Variants in ASTN2 observed in about 807,000 individuals in gnomAD.
The protein encoded by ASTN2 is astrotactin-2.
A neutral mutation model predicts 139.8 loss-of-function variants in ASTN2; 54 were observed. The observed-to-expected ratio is 0.39, with a 90% CI of 0.31 to 0.48. The LOEUF is 0.48. Ranked by LOEUF, ASTN2 falls within the 20% of genes least tolerant of loss-of-function variation. The probability of loss-of-function intolerance (pLI) is 0.95; values close to 1 mark genes in which losing one functional copy is unlikely to be tolerated. For missense variants in ASTN2, 1,565 were observed against 1,725.1 expected, an observed-to-expected ratio of 0.91 and a Z score of 1.64; for synonymous variants, 756 against 719.5, an observed-to-expected ratio of 1.05 and a Z score of -0.81.
intron 1 of ASTN2, among the ~76,000 whole-genome samples, chr9:117,393,274 A>G (rs1222558680): frequency 6.6e-6 from 1 of 152,248 alleles, no homozygotes; most frequent in Non-Finnish European, 1.5e-5. Context: ...GTAGGTGGAC[A>G]GGAAAGACTT....
At chr9:117,290,145 G>A (rs1354430058) in intron 2 of ASTN2, among the ~76,000 whole-genome samples, 1 of 152,096 alleles carries the variant, frequency 6.6e-6, no homozygotes, top group Admixed American at 6.5e-5. Context: ...CACCCCTCTG[G>A]GCCATAGCCT....
chr9:117,414,948 G>T lies in ASTN2; in HGVS notation c.-10C>A. ...CGCCGGCGGCGGCCATGGCGGGAGG[G>T]GCTGCGGTGCTGCGGGCGGCGGCGG... is the stretch of plus-strand genomic sequence containing the variant. On this transcript the variant is annotated 5_prime_UTR_variant, in exon 1 of 23. Coordinates refer to ENST00000313400, the MANE Select transcript of ASTN2 (RefSeq NM_001365068.1). This position sits in a 1 kb window ranked among gnomAD's most constrained non-coding sequence, Gnocchi z 4.2. The T allele has an allele frequency of 3.4e-6, 1 of 293,680 alleles. No homozygotes were observed. The highest frequency in any genetic ancestry group is 5.4e-6 in the Non-Finnish European group (1 of 183,770). The allele number at this position is 293,680 out of a possible 1,614,324, so 18.2% of individuals were successfully genotyped here. A position where few individuals can be genotyped will look rare whatever the true frequency, so the allele number is the denominator to read the frequency against.
rs911424528 is a variant in ASTN2, at chr9:117,248,932, A to G, written c.631-34190T>C. Among the ~76,000 whole-genome samples, 3 of 152,216 alleles carry G rather than the reference A, an allele frequency of 2.0e-5. No individual in the cohort carries two copies. The South Asian group carries it at 6.2e-4, about 32-fold the overall frequency. On this transcript the variant is annotated intron_variant, in intron 2 of 22. Transcript: ENST00000313400. ...CACTGCTGATGATGAGGTTCGGGGCAAGTCTCTTCACTCTCCAGGCCTCAA... is the reference window on the plus strand; with the variant it reads ...CACTGCTGATGATGAGGTTCGGGGCGAGTCTCTTCACTCTCCAGGCCTCAA...
chr9:116,989,586 GTT>G (rs56128640), intron 7 of ASTN2, among the ~76,000 whole-genome samples: 136 of 137,258 alleles, frequency 9.9e-4, no homozygotes, highest in East Asian at 9.7e-3. Context: ...TTATATTTGG[GTT>G]TTTTTTTTTT....
Position 117,335,061 on chromosome 9 carries a change from C to T in ASTN2, c.443-43548G>A, listed in dbSNP as rs896790502. ...CAGAGTGAGACTCTGTCTCAATAAA[C>T]ATAAAACAAAATAAAATAAAGTAAA... On this transcript the variant is annotated intron_variant, in intron 1 of 22. Coordinates refer to ENST00000313400, the MANE Select transcript of ASTN2 (RefSeq NM_001365068.1). Among the ~76,000 whole-genome samples, 35 of 152,212 alleles carry T rather than the reference C, an allele frequency of 2.3e-4. No individual in the cohort carries two copies. The South Asian group carries it at 3.7e-3, about 16-fold the overall frequency.
chr9:117,334,710 G>A (rs1034933345), intron 1 of ASTN2, among the ~76,000 whole-genome samples: 1 of 151,982 alleles, frequency 6.6e-6, no homozygotes, highest in Non-Finnish European at 1.5e-5. Context: ...CATTTTTCAA[G>A]TTTTAGCCCA....
At chr9:116,964,216 GGTGTGTGTGTGTGTGTGTGTGTGT>G (rs56209166) in intron 10 of ASTN2, among the ~76,000 whole-genome samples, 4 of 140,812 alleles carry the variant, frequency 2.8e-5, no homozygotes, top group South Asian at 4.6e-4. Flanking sequence ...ACTGCCCTGG[GGTGTGTGTGTGTGTGTGTGTGTGT>G]GTGTGTGTGT....
intron 6 of ASTN2, among the ~76,000 whole-genome samples, chr9:117,027,195 G>A (rs1173516320): frequency 6.6e-6 from 1 of 152,116 alleles, no homozygotes; most frequent in African/African-American, 2.4e-5. Flanking sequence ...TACAGATTAA[G>A]AAATAACCCA....
At chr9:117,332,743 AAGCT>A (rs1176069778) in intron 1 of ASTN2, among the ~76,000 whole-genome samples, 1 of 152,226 alleles carries the variant, frequency 6.6e-6, no homozygotes, top group East Asian at 1.9e-4. Flanking sequence ...CACAAGGTGG[AAGCT>A]ACCTAATGTC....
chr9:116,535,648 G>T (rs187217386), intron 19 of ASTN2, among the ~76,000 whole-genome samples: 116 of 152,184 alleles, frequency 7.6e-4, no homozygotes, highest in African/African-American at 2.6e-3. Context: ...AATTCTGGGT[G>T]GAAAATTCTT....
At chr9:116,953,790 A>C (rs1033635400) in intron 10 of ASTN2, among the ~76,000 whole-genome samples, 14 of 152,206 alleles carry the variant, frequency 9.2e-5, no homozygotes, top group Non-Finnish European at 1.8e-4. Flanking sequence ...CTTGGATAGA[A>C]AAACTGAAAC....
intron 5 of ASTN2, among the ~76,000 whole-genome samples, chr9:117,045,641 T>C (rs549221479): frequency 4.9e-4 from 75 of 152,252 alleles, no homozygotes; most frequent in African/African-American, 1.7e-3. Flanking sequence ...GCTTTGGAAA[T>C]GCCAGGTTGA....
At chr9:116,448,795 TA>T (rs1460799593) in intron 20 of ASTN2, among the ~76,000 whole-genome samples, 1 of 152,236 alleles carries the variant, frequency 6.6e-6, no homozygotes, top group Non-Finnish European at 1.5e-5. Flanking sequence ...TCAAGTACTA[TA>T]TCTTTTCCCT....
At chr9:116,627,993 G>C (rs1588108497) in intron 17 of ASTN2, among the ~76,000 whole-genome samples, 1 of 152,144 alleles carries the variant, frequency 6.6e-6, no homozygotes, top group Non-Finnish European at 1.5e-5. Flanking sequence ...GCCAGGCTTT[G>C]AATTCAGGAC....
chr9:116,632,205 A>AGAAAGAAAGAAAG (rs1554723308), intron 17 of ASTN2, among the ~76,000 whole-genome samples: 1 of 45,306 alleles, frequency 2.2e-5, no homozygotes, highest in East Asian at 6.4e-4. Flanking sequence ...AGAAAGAAAG[A>AGAAAGAAAGAAAG]AAAGAAAGAA....
rs370518165 is a variant in ASTN2, at chr9:117,200,500, G to T, written c.1015+13858C>A. Among the ~76,000 whole-genome samples, 19 of 152,174 alleles carry T rather than the reference G, an allele frequency of 1.2e-4. No homozygotes were observed. In the East Asian group the frequency reaches 3.5e-3, roughly 28 times the overall value. On this transcript the variant is annotated intron_variant, in intron 3 of 22. Transcript: ENST00000313400. ...TCAATATGATATTGGCTGTGGGTTT[G>T]TCATAAATACCTGTTATTATTTTGA...
intron 11 of ASTN2, among the ~76,000 whole-genome samples, chr9:116,849,530 C>T (rs1056192968): frequency 9.9e-5 from 15 of 152,082 alleles, no homozygotes; most frequent in Non-Finnish European, 2.2e-4. Context: ...TTATTTCACC[C>T]TTTTTTTGAA....
intron 6 of ASTN2, among the ~76,000 whole-genome samples, chr9:117,030,308 C>T (rs1293703773): frequency 6.6e-6 from 1 of 152,192 alleles, no homozygotes; most frequent in African/African-American, 2.4e-5. Flanking sequence ...GTCAAAGTGG[C>T]CTTCTGTTCA....
intron 6 of ASTN2, among the ~76,000 whole-genome samples, chr9:117,015,606 C>T (rs1837652045): frequency 6.6e-6 from 1 of 152,096 alleles, no homozygotes; most frequent in Non-Finnish European, 1.5e-5. Context: ...CCAAACACTT[C>T]CAACATCACT....
Sources: gnomAD v4.1 joint callset for allele counts (sites outside exome capture counted in the v4.1 genomes callset) on GRCh38, gnomAD v4.1.1 for gene constraint, Gnocchi (gnomAD v3.1) non-coding constraint, MANE v1.5 for transcripts, NCBI Gene and HGNC (gene_info 2026-07-23, HGNC 2026-07-21) for gene names.